CHD9: variants seen among roughly 807,000 people sequenced by gnomAD.
CHD9 encodes the protein chromodomain helicase DNA binding protein 9.
In CHD9, 77 loss-of-function variants were observed where a neutral mutation model predicts 316.1. The observed-to-expected ratio is 0.24, with a 90% confidence interval of 0.20 to 0.29. The LOEUF (loss-of-function observed/expected upper bound fraction) is 0.29, where lower values mean the gene tolerates loss of function less well. Among genes scored for constraint, CHD9 ranks in the 10% least tolerant of loss-of-function variants. CHD9 has a pLI of 1.00. For missense variants in CHD9, 2,763 were observed against 3,438.1 expected, an observed-to-expected ratio of 0.80 and a Z score of 4.91; for synonymous variants, 1,129 against 1,158.3, an observed-to-expected ratio of 0.97 and a Z score of 0.51.
intron 19 of CHD9, among the ~76,000 whole-genome samples, chr16:53,259,340 T>C (rs1413115292): frequency 1.3e-5 from 2 of 152,198 alleles, no homozygotes; most frequent in African/African-American, 4.8e-5. Context: ...AGGTAAATTT[T>C]TTACATTATC....
chr16:53,254,134 AC>A (rs1206483631), intron 17 of CHD9, among the ~76,000 whole-genome samples: 1 of 152,148 alleles, frequency 6.6e-6, no homozygotes, highest in African/African-American at 2.4e-5. Flanking sequence ...CCAAGATCGC[AC>A]GACTGCACTC....
intron 1 of CHD9, among the ~76,000 whole-genome samples, chr16:53,094,113 C>T (rs1345718413): frequency 6.6e-6 from 1 of 152,226 alleles, no homozygotes; most frequent in Non-Finnish European, 1.5e-5. Flanking sequence ...GGCAGCTCAG[C>T]TGTCTGAGAG....
chr16:53,095,707 C>G (rs939590216), intron 1 of CHD9, among the ~76,000 whole-genome samples: 1 of 152,202 alleles, frequency 6.6e-6, no homozygotes, highest in Non-Finnish European at 1.5e-5. Flanking sequence ...GCAGTTCTCC[C>G]TAGTATGTTC....
chr16:53,150,677 A>G (rs1056722837), intron 1 of CHD9, among the ~76,000 whole-genome samples: 1 of 152,210 alleles, frequency 6.6e-6, no homozygotes, highest in African/African-American at 2.4e-5. Context: ...ACTAATAACA[A>G]ACTCCTTTAG....
At chr16:53,229,533 G>C (rs1357898215) in intron 8 of CHD9, among the ~76,000 whole-genome samples, 1 of 152,144 alleles carries the variant, frequency 6.6e-6, no homozygotes, top group Non-Finnish European at 1.5e-5. Context: ...CTCTAGGCCT[G>C]ACTAAATGGT....
intron 1 of CHD9, among the ~76,000 whole-genome samples, chr16:53,140,844 A>G (rs564560513): frequency 3.7e-4 from 57 of 152,334 alleles, no homozygotes; most frequent in Middle Eastern, 6.8e-3. Flanking sequence ...ACAGCCTTGG[A>G]ATCCCAAAGT....
At chr16:53,086,695 A>T (rs1341978142) in intron 1 of CHD9, among the ~76,000 whole-genome samples, 3 of 152,218 alleles carry the variant, frequency 2.0e-5, no homozygotes, top group African/African-American at 7.2e-5. Flanking sequence ...TTTATTATTC[A>T]TTATCCTTTT....
At chr16:53,063,649 A>C (rs112734806) in intron 1 of CHD9, among the ~76,000 whole-genome samples, 1 of 151,846 alleles carries the variant, frequency 6.6e-6, no homozygotes, top group Non-Finnish European at 1.5e-5. Flanking sequence ...CTCCTGCCTC[A>C]GCCTCCTCAG....
chr16:53,316,962 G>C (rs1253564570), intron 36 of CHD9, among the ~76,000 whole-genome samples: 1 of 152,086 alleles, frequency 6.6e-6, no homozygotes, highest in Non-Finnish European at 1.5e-5. Flanking sequence ...ACTTTGCGAG[G>C]CCGAGGCGGG....
intron 2 of CHD9, among the ~76,000 whole-genome samples, chr16:53,181,853 G>A (rs2043550103): frequency 6.6e-6 from 1 of 152,184 alleles, no homozygotes; most frequent in Non-Finnish European, 1.5e-5. Context: ...GCCGAGCTGG[G>A]CGAATCACCT....
Position 53,198,648 on chromosome 16 carries a change from A to G in CHD9, c.1453-10834A>G, listed in dbSNP as rs111270348. Among the ~76,000 whole-genome samples the G allele has an allele frequency of 3.2e-3, 490 of 152,314 alleles. 8 individuals carry two copies. Among genetic ancestry groups the G allele is most frequent in the African/African-American group, 0.011 (472 of 41,566 alleles). ...GCCTCAATATTTGTTTAAAGAATTG[A>G]ACTTCTTTCAAGCCTCAAAAAATAA... On this transcript the variant is annotated intron_variant, in intron 2 of 38. Coordinates refer to ENST00000447540, the MANE Select transcript of CHD9 (RefSeq NM_001308319.2).
At chr16:53,301,834 C>T (rs1487909604) in intron 30 of CHD9, among the ~76,000 whole-genome samples, 2 of 147,004 alleles carry the variant, frequency 1.4e-5, no homozygotes, top group Admixed American at 6.9e-5. Context: ...GGCGTGATCT[C>T]GGCTCACTGC....
Position 53,066,013 on chromosome 16 carries a change from G to A in CHD9, c.-165+10936G>A, listed in dbSNP as rs927536809. On this transcript the variant is annotated intron_variant, in intron 1 of 38. Transcript: ENST00000447540. ...CAGTTCACTGATATCTACTCTCCTC[G>A]TATTTTGGGGTGGCTTACTGCATAC... Among the ~76,000 whole-genome samples the A allele has an allele frequency of 3.3e-5, 5 of 152,040 alleles. No individual in the cohort carries two copies. The South Asian group carries it at 6.2e-4, about 19-fold the overall frequency.
At chr16:53,215,298 T>A (rs2046665231) in intron 3 of CHD9, among the ~76,000 whole-genome samples, 1 of 152,220 alleles carries the variant, frequency 6.6e-6, no homozygotes, top group Non-Finnish European at 1.5e-5. Context: ...TGGATCCTTA[T>A]TTCTTACTTA....
intron 20 of CHD9, among the ~76,000 whole-genome samples, chr16:53,266,323 C>T (rs1465272498): frequency 6.6e-6 from 1 of 152,142 alleles, no homozygotes; most frequent in Admixed American, 6.6e-5. Flanking sequence ...GCATTCCATA[C>T]ATATTATGGC....
intron 1 of CHD9, among the ~76,000 whole-genome samples, chr16:53,152,518 A>G (rs2041204062): frequency 6.6e-6 from 1 of 152,190 alleles, no homozygotes; most frequent in African/African-American, 2.4e-5. Context: ...CCAGAGCTGA[A>G]GGCAGAGAGC....
intron 30 of CHD9, among the ~76,000 whole-genome samples, chr16:53,297,757 A>G (rs2054935933): frequency 6.6e-6 from 1 of 152,218 alleles, no homozygotes; most frequent in South Asian, 2.1e-4. Context: ...TTTGTTGTAT[A>G]TGATTTCTCA....
At chr16:53,278,733 A>T (rs1486708427) in intron 24 of CHD9, among the ~76,000 whole-genome samples, 1 of 152,238 alleles carries the variant, frequency 6.6e-6, no homozygotes, top group Non-Finnish European at 1.5e-5. Context: ...GAAGACATTT[A>T]TGCAGCCAAC....
intron 1 of CHD9, among the ~76,000 whole-genome samples, chr16:53,124,953 T>C (rs1479022821): frequency 6.6e-6 from 1 of 152,220 alleles, no homozygotes. Context: ...TTTTTTATTG[T>C]AGCCATCCTG....
Sources: gnomAD v4.1 joint callset for allele counts (sites outside exome capture counted in the v4.1 genomes callset) on GRCh38, gnomAD v4.1.1 for gene constraint, MANE v1.5 for transcripts, NCBI Gene and HGNC (gene_info 2026-07-23, HGNC 2026-07-21) for gene names.